The following ME1 variants were observed in gnomAD, a reference collection of about 807,000 sequenced individuals.
ME1 encodes NADP-dependent malic enzyme.
Under a neutral mutation model 66.4 loss-of-function variants are expected in ME1, and 74 were observed. The ratio of observed to expected loss-of-function variants is 1.11; its 90% CI spans 0.92 to 1.35. The LOEUF (loss-of-function observed/expected upper bound fraction) is 1.35, where lower values mean the gene tolerates loss of function less well. Among genes scored for constraint, ME1 ranks in the 40% most tolerant of loss-of-function variants. ME1 has a pLI of 0.00. For missense variants in ME1, 750 were observed against 694.1 expected (o/e 1.08, Z -0.90); for synonymous variants, 251 against 235.6 (o/e 1.07, Z -0.60).
At chr6:83,392,508 C>T (rs1168091574) in intron 3 of ME1, 9 of 531,444 alleles carry the variant, frequency 1.7e-5, no homozygotes, top group African/African-American at 9.7e-5. Context: ...TCGATATTGT[C>T]GCCATCAATG....
intron 3 of ME1, among the ~76,000 whole-genome samples, chr6:83,379,835 C>T (rs1417885386): frequency 6.6e-6 from 1 of 152,060 alleles, no homozygotes; most frequent in African/African-American, 2.4e-5. Flanking sequence ...ACTGTACGTA[C>T]ATTTGAATTG....
intron 6 of ME1, among the ~76,000 whole-genome samples, chr6:83,261,703 G>A (rs1211513124): frequency 6.6e-6 from 1 of 151,946 alleles, no homozygotes; most frequent in Non-Finnish European, 1.5e-5. Context: ...GGAAGATGAA[G>A]CACAAAACGT....
At chr6:83,364,778 G>A (rs1470417155) in intron 3 of ME1, among the ~76,000 whole-genome samples, 1 of 152,040 alleles carries the variant, frequency 6.6e-6, no homozygotes, top group South Asian at 2.1e-4. Context: ...TAAATTTGCA[G>A]CAATACTTCC....
chr6:83,350,931 G>C (rs1768788774), intron 4 of ME1, among the ~76,000 whole-genome samples: 1 of 119,698 alleles, frequency 8.4e-6, no homozygotes, highest in South Asian at 2.9e-4. Flanking sequence ...TGGTCCTGTT[G>C]ATAGCAGAAA....
chr6:83,411,548 A>G (rs541428792), intron 1 of ME1, among the ~76,000 whole-genome samples: 44 of 152,220 alleles, frequency 2.9e-4, no homozygotes, highest in Admixed American at 2.7e-3. Flanking sequence ...AGACATATTC[A>G]TTAGAGATAT....
chr6:83,256,671 C>A (rs1766778248), intron 6 of ME1, among the ~76,000 whole-genome samples: 1 of 152,082 alleles, frequency 6.6e-6, no homozygotes, highest in Non-Finnish European at 1.5e-5. Flanking sequence ...TCCCATTTGA[C>A]CCAGCAATCC....
intron 9 of ME1, among the ~76,000 whole-genome samples, chr6:83,232,315 C>A (rs1298642305): frequency 1.3e-5 from 2 of 152,112 alleles, no homozygotes; most frequent in Non-Finnish European, 2.9e-5. Flanking sequence ...GCATTTGTTG[C>A]AAATCAGGTA....
intron 3 of ME1, among the ~76,000 whole-genome samples, chr6:83,368,797 C>T (rs1369848784): frequency 6.6e-6 from 1 of 152,032 alleles, no homozygotes; most frequent in Non-Finnish European, 1.5e-5. Flanking sequence ...TTATCTTCTC[C>T]AGACTCAGTA....
At chr6:83,392,524 T>C (rs1769641187) in intron 3 of ME1, 1 of 537,514 alleles carries the variant, frequency 1.9e-6, no homozygotes, top group Non-Finnish European at 3.7e-6. Flanking sequence ...CAATGACCCC[T>C]TCATTGACCT....
At position 83,224,683 on chromosome 6, in the gene ME1, CAAAA is replaced by C. The variant is rs58210396; in HGVS notation, c.1276-754_1276-751del. 4.3e-3 allele frequency among the ~76,000 whole-genome samples: 440 copies of C among 102,806 alleles called. 2 individuals carry two copies. Among genetic ancestry groups the C allele is most frequent in the East Asian group, 0.015 (54 of 3,554 alleles). 67.4% of individuals were successfully genotyped at this position (102,806 alleles called of 152,430 possible). ...TGGGCGACAAAGCAAGATTCCAGCT[CAAAA>C]AAAAAAAAAATAAAAATAATAATAA... On this transcript the variant is annotated intron_variant, in intron 11 of 13. Transcript: ENST00000369705.
At chr6:83,273,727 C>CAGCTGACAAGAATCTACTTCATGTT (rs1767126879) in intron 6 of ME1, among the ~76,000 whole-genome samples, 1 of 152,124 alleles carries the variant, frequency 6.6e-6, no homozygotes, top group African/African-American at 2.4e-5. Flanking sequence ...GATTTTATGT[C>CAGCTGACAAGAATCTACTTCATGTT]AGCTGACAAG....
Position 83,264,732 on chromosome 6 carries a change from G to A in ME1, c.705-10994C>T, listed in dbSNP as rs112931286. Reference sequence around the variant, plus strand: ...TGGAGCTTGAAGATGGGACTGAATTGCTGCAATCTCATTATAAAACCTGAA... The same window carrying A: ...TGGAGCTTGAAGATGGGACTGAATTACTGCAATCTCATTATAAAACCTGAA... On this transcript the variant is annotated intron_variant, in intron 6 of 13. Coordinates refer to ENST00000369705, the MANE Select transcript of ME1 (RefSeq NM_002395.6). 4.0e-3 allele frequency among the ~76,000 whole-genome samples: 609 copies of A among 152,320 alleles called. 12 individuals carry two copies. Among genetic ancestry groups the A allele is most frequent in the East Asian group, 0.036 (187 of 5,180 alleles).
chr6:83,345,050 T>G (rs1001261615), intron 5 of ME1, among the ~76,000 whole-genome samples: 2 of 152,100 alleles, frequency 1.3e-5, no homozygotes, highest in Non-Finnish European at 2.9e-5. Context: ...CAGGTTGTAG[T>G]CCAATTGCGC....
chr6:83,367,494 T>C (rs1010986149), intron 3 of ME1, among the ~76,000 whole-genome samples: 1 of 152,222 alleles, frequency 6.6e-6, no homozygotes, highest in African/African-American at 2.4e-5. Context: ...ATCTGTTGTT[T>C]AGTGTGGCCA....
intron 3 of ME1, among the ~76,000 whole-genome samples, chr6:83,379,367 T>C (rs1046232991): frequency 6.6e-6 from 1 of 152,086 alleles, no homozygotes; most frequent in African/African-American, 2.4e-5. Flanking sequence ...AGGACTTTCT[T>C]GAGAAACTTT....
intron 1 of ME1, among the ~76,000 whole-genome samples, chr6:83,409,870 C>T (rs540665461): frequency 3.9e-5 from 6 of 152,300 alleles, no homozygotes; most frequent in Admixed American, 6.5e-5. Flanking sequence ...TACAGTTGGG[C>T]GTCCTCTGAA....
rs1446908242 is a variant in ME1, at chr6:83,273,279, T to C, written c.705-19541A>G. On this transcript the variant is annotated intron_variant, in intron 6 of 13. Coordinates refer to ENST00000369705, the MANE Select transcript of ME1 (RefSeq NM_002395.6). ...TTTAAGAAGACATAAAATAAGAAGG[T>C]TTTAATGTAACTATGAGCAAATCTT... Among the ~76,000 whole-genome samples the C allele has an allele frequency of 2.6e-5, 4 of 151,310 alleles. No individual in the cohort carries two copies. In the South Asian group the frequency reaches 6.3e-4, roughly 24 times the overall value.
At chr6:83,426,075 C>T (rs1018871194) in intron 1 of ME1, among the ~76,000 whole-genome samples, 2 of 152,192 alleles carry the variant, frequency 1.3e-5, no homozygotes, top group African/African-American at 2.4e-5. Flanking sequence ...ATCTTGCCTT[C>T]CGCCATGGGA....
At chr6:83,254,054 G>A (rs1160487910) in intron 6 of ME1, among the ~76,000 whole-genome samples, 2 of 152,074 alleles carry the variant, frequency 1.3e-5, no homozygotes, top group African/African-American at 4.8e-5. Context: ...GTATAAACAA[G>A]GAATGATAGG....
Sources: gnomAD v4.1 joint callset for allele counts (sites outside exome capture counted in the v4.1 genomes callset) on GRCh38, gnomAD v4.1.1 for gene constraint, MANE v1.5 for transcripts, NCBI Gene and HGNC (gene_info 2026-07-23, HGNC 2026-07-21) for gene names.